Variants in SAMD8 observed in about 807,000 individuals in gnomAD.
SAMD8 encodes sphingomyelin synthase-related protein 1.
SAMD8 carries 20 observed loss-of-function variants against 42.0 expected under a neutral mutation model. That is an observed-to-expected ratio of 0.48 (90% CI 0.34 to 0.69). The LOEUF is 0.69. Among genes scored for constraint, SAMD8 ranks in the 30% least tolerant of loss-of-function variants. The pLI, the probability that SAMD8 is intolerant of heterozygous loss-of-function variation, is 0.01. For missense variants in SAMD8, 328 were observed against 511.6 expected (o/e 0.64, Z 3.46); for synonymous variants, 162 against 173.0 (o/e 0.94, Z 0.50).
upstream of SAMD8, among the ~76,000 whole-genome samples, chr10:75,107,543 G>A (rs982085095): frequency 6.6e-6 from 1 of 152,116 alleles, no homozygotes; most frequent in Non-Finnish European, 1.5e-5. Context: ...GGAAGGAATC[G>A]GGTTCGACAA....
At chr10:75,173,284 A>G (rs1308775362) in intron 4 of SAMD8, among the ~76,000 whole-genome samples, 1 of 152,232 alleles carries the variant, frequency 6.6e-6, no homozygotes, top group Admixed American at 6.5e-5. Flanking sequence ...GAATTCCATA[A>G]GGTAGTTTCA....
intron 2 of SAMD8, among the ~76,000 whole-genome samples, chr10:75,158,978 G>A (rs1840486243): frequency 6.6e-6 from 1 of 150,426 alleles, no homozygotes; most frequent in Non-Finnish European, 1.5e-5. Context: ...TGTTTGTGTT[G>A]TTTCTACTTT....
upstream of SAMD8, chr10:75,108,309 T>A: frequency 6.7e-7 from 1 of 1,486,204 alleles, no homozygotes; most frequent in Non-Finnish European, 8.9e-7. Context: ...GCCATTAGGG[T>A]CCAAAGAGAG....
chr10:75,147,998 A>G (rs1246788358), intron 1 of SAMD8, among the ~76,000 whole-genome samples: 2 of 152,208 alleles, frequency 1.3e-5, no homozygotes, highest in African/African-American at 4.8e-5. Context: ...GAATTAGACA[A>G]CTTTGTAAAA....
chr10:75,137,909 T>A (rs1180858139), intron 1 of SAMD8, among the ~76,000 whole-genome samples: 3 of 152,196 alleles, frequency 2.0e-5, no homozygotes, highest in Non-Finnish European at 4.4e-5. Flanking sequence ...GAAAAGAGCA[T>A]GTATCTGTTA....
chr10:75,113,632 G>C (rs371784279), intron 1 of SAMD8, among the ~76,000 whole-genome samples: 10 of 152,218 alleles, frequency 6.6e-5, no homozygotes, highest in African/African-American at 2.4e-4. Flanking sequence ...TATGTGTATG[G>C]GCTATGTGAC....
At chr10:75,107,573 G>C (rs1479472203), upstream of SAMD8, among the ~76,000 whole-genome samples, 1 of 152,092 alleles carries the variant, frequency 6.6e-6, no homozygotes, top group South Asian at 2.1e-4. Flanking sequence ...GCACTAAGCA[G>C]AGGACTTTTT....
intron 1 of SAMD8, chr10:75,104,009 G>T (rs777156129): frequency 2.2e-6 from 3 of 1,358,402 alleles, no homozygotes; most frequent in South Asian, 1.2e-5. Context: ...CTGTGTGTCC[G>T]CCTGGGCCAG....
chr10:75,126,681 T>TG (rs964993968), intron 1 of SAMD8, among the ~76,000 whole-genome samples: 3 of 151,408 alleles, frequency 2.0e-5, no homozygotes, highest in African/African-American at 7.3e-5. Context: ...TTTTTTTTTT[T>TG]GTAGGGATGA....
chr10:75,173,771 T>A (rs1163053990), intron 4 of SAMD8, among the ~76,000 whole-genome samples: 2 of 152,200 alleles, frequency 1.3e-5, no homozygotes, highest in Non-Finnish European at 2.9e-5. Context: ...CAGGTGAGAT[T>A]CCTAATGAGA....
At chr10:75,111,882 G>A in intron 1 of SAMD8, 160 bp downstream of exon 1, 1 of 898,016 alleles carries the variant, frequency 1.1e-6, no homozygotes, top group East Asian at 3.3e-5. Flanking sequence ...GCTCTGGAAT[G>A]GAATCTGAAG....
rs60024591 is a variant in SAMD8, at chr10:75,148,346, C to CTTTTTTTTTTTTTTTTTTTTTTTTTTT, written c.-15-2143_-15-2142insTTTTTTTTTTTTTTTTTTTTTTTTTTT. ...GGGAAAGAATGCAGAGCAATACCAG[C>CTTTTTTTTTTTTTTTTTTTTTTTTTTT]TTTTTTTTTTTTTTTTTTTTTTTTT... is the stretch of plus-strand genomic sequence containing the variant. On this transcript the variant is annotated intron_variant, in intron 1 of 5. Transcript: ENST00000542569. 8.5e-5 allele frequency among the ~76,000 whole-genome samples: 7 copies of CTTTTTTTTTTTTTTTTTTTTTTTTTTT among 82,560 alleles called. 1 individual carries two copies. The highest frequency in any genetic ancestry group is 4.3e-4 in the South Asian group (1 of 2,336). The allele number at this position is 82,560 out of a possible 152,430, so 54.2% of individuals were successfully genotyped here.
chr10:75,131,863 C>G (rs1425332039), intron 1 of SAMD8, among the ~76,000 whole-genome samples: 1 of 152,176 alleles, frequency 6.6e-6, no homozygotes, highest in Non-Finnish European at 1.5e-5. Flanking sequence ...CTTGGCATCT[C>G]AAGCCTCACT....
In SAMD8 at chr10:75,178,534, G is replaced by T. The variant is rs1029075805; in HGVS notation, c.*1842G>T. The T allele has an allele frequency of 6.6e-6, 1 of 152,174 alleles. No homozygotes were observed. The highest frequency in any genetic ancestry group is 6.6e-5 in the Admixed American group (1 of 15,266). 9.4% of individuals were successfully genotyped at this position (152,174 alleles called of 1,614,324 possible). A position where few individuals can be genotyped will look rare whatever the true frequency, so the allele number is the denominator to read the frequency against. On this transcript the variant is annotated 3_prime_UTR_variant, in exon 6 of 6. Coordinates refer to ENST00000542569, the MANE Select transcript of SAMD8 (RefSeq NM_001174156.2). The stretch of plus-strand genomic sequence containing the variant: ...TAGGGAGGCAGTGATGTTGGCTTTT[G>T]GGAAAGGGTTCAAAAAACTGTATGG...
Position 75,142,952 on chromosome 10 carries a change from C to T in SAMD8, c.-15-7562C>T, listed in dbSNP as rs559197958. Among the ~76,000 whole-genome samples the T allele has an allele frequency of 3.5e-4, 54 of 152,150 alleles. 1 individual carries two copies. Among genetic ancestry groups the T allele is most frequent in the Non-Finnish European group, 4.7e-4 (32 of 68,040 alleles). On this transcript the variant is annotated intron_variant, in intron 1 of 5. Coordinates refer to ENST00000542569, the MANE Select transcript of SAMD8 (RefSeq NM_001174156.2). The stretch of plus-strand genomic sequence containing the variant: ...TCTTGATTTGAGTGTTTATCATGGC[C>T]TTATAAGTGCATTGTTGGCTATTAA...
intron 4 of SAMD8, among the ~76,000 whole-genome samples, chr10:75,170,645 T>TTAAAAAG (rs1412072219): frequency 2.6e-5 from 4 of 151,702 alleles, no homozygotes; most frequent in Non-Finnish European, 5.9e-5. Flanking sequence ...AATGTATATA[T>TTAAAAAG]TAAAAAGTAA....
Position 75,176,162 on chromosome 10 carries a change from A to C in SAMD8, c.889A>C (p.Met297Leu). 6.2e-7 allele frequency: 1 copy of C among 1,614,180 alleles called. No homozygotes were observed. Among genetic ancestry groups the C allele is most frequent in the Non-Finnish European group, 8.5e-7 (1 of 1,180,032 alleles). ...LTGVHTCGDY[M>L]FSGHTVVLTM... ...TGGCGTTCACACATGTGGAGATTAC[A>C]TGTTTAGTGGCCACACAGTCGTCCT... Residue 297 changes from methionine to leucine, a missense_variant, in exon 5 of 6, where the codon ATG (methionine) becomes CTG (leucine). By Grantham distance (15) the Met-to-Leu change is conservative (BLOSUM62 2). Around this residue, in one of 2 missense-constraint regions of SAMD8, gnomAD observed 178 missense variants for 325.6 expected, o/e 0.55. Transcript: ENST00000542569. This position sits in a 1 kb window ranked among gnomAD's most constrained non-coding sequence, Gnocchi z 4.3.
intron 1 of SAMD8, among the ~76,000 whole-genome samples, chr10:75,120,404 G>C (rs1022300125): frequency 2.0e-5 from 3 of 151,798 alleles, no homozygotes; most frequent in African/African-American, 7.3e-5. Context: ...CCCGTAGCTG[G>C]GATTACAGGC....
At chr10:75,169,464 A>G (rs995383235) in intron 4 of SAMD8, among the ~76,000 whole-genome samples, 1 of 149,774 alleles carries the variant, frequency 6.7e-6, no homozygotes, top group Non-Finnish European at 1.5e-5. Flanking sequence ...CCTGGGCAAC[A>G]GAGCAAGACT....
Sources: gnomAD v4.1 joint callset for allele counts (sites outside exome capture counted in the v4.1 genomes callset) on GRCh38, gnomAD v4.1.1 for gene constraint, gnomAD v4.1.1 regional missense constraint, Gnocchi (gnomAD v3.1) non-coding constraint, MANE v1.5 for transcripts, NCBI Gene and HGNC (gene_info 2026-07-23, HGNC 2026-07-21) for gene names.